Variants in RUNX1 observed in about 807,000 individuals in gnomAD.
The protein encoded by RUNX1 is RUNX family transcription factor 1, also known as runt-related transcription factor 1.
In RUNX1, 19 loss-of-function variants were observed where a neutral mutation model predicts 42.8. That is an observed-to-expected ratio of 0.44 (90% CI 0.31 to 0.65). The LOEUF (loss-of-function observed/expected upper bound fraction) is 0.65. Among genes scored for constraint, RUNX1 ranks in the 30% least tolerant of loss-of-function variants. The pLI, the probability that RUNX1 is intolerant of heterozygous loss-of-function variation, is 0.07. For synonymous variants in RUNX1, 271 were observed against 289.4 expected, an observed-to-expected ratio of 0.94 and a Z score of 0.64; for missense variants, 528 against 672.0, an observed-to-expected ratio of 0.79 and a Z score of 2.37.
chr21:34,917,251 CTT>C (rs1268531665), intron 2 of RUNX1, among the ~76,000 whole-genome samples: 1 of 152,130 alleles, frequency 6.6e-6, no homozygotes, highest in East Asian at 1.9e-4. Flanking sequence ...GGGCACATGT[CTT>C]TGTGAAGGGG....
At chr21:35,039,488 C>T (rs1333906590) in intron 2 of RUNX1, among the ~76,000 whole-genome samples, 14 of 152,104 alleles carry the variant, frequency 9.2e-5, no homozygotes, top group Admixed American at 9.2e-4. Context: ...CCAACTGAAA[C>T]TATACAGAAC....
At chr21:34,889,641 C>A in intron 3 of RUNX1, 1 of 1,107,414 alleles carries the variant, frequency 9.0e-7, no homozygotes, top group Non-Finnish European at 1.1e-6. Flanking sequence ...TCTCCCCGCC[C>A]CCGTGCGCTC....
rs567659293 is a variant in RUNX1, at chr21:34,855,522, T to C, written c.613+3952A>G. Among the ~76,000 whole-genome samples the C allele has an allele frequency of 3.9e-5, 6 of 152,216 alleles. No individual in the cohort carries two copies. In the East Asian group the frequency reaches 1.2e-3, roughly 29 times the overall value. On this transcript the variant is annotated intron_variant, in intron 6 of 8. Coordinates refer to ENST00000675419, the MANE Select transcript of RUNX1 (RefSeq NM_001754.5). ...GAGTTCGAGACCAGGCTGGCCAACA[T>C]GGTGAAACCCCGTCTCTACTAAAAA...
chr21:34,943,172 AAACT>A (rs2146639701), intron 2 of RUNX1, among the ~76,000 whole-genome samples: 1 of 152,352 alleles, frequency 6.6e-6, no homozygotes, highest in Admixed American at 6.5e-5. Flanking sequence ...CAGTGAAAAC[AAACT>A]AATTTCATTC....
Position 34,843,095 on chromosome 21 carries a change from G to A in RUNX1, c.614-8494C>T, listed in dbSNP as rs1476208125. Among the ~76,000 whole-genome samples, 1 of 151,760 alleles carries A rather than the reference G, an allele frequency of 6.6e-6. No individual in the cohort carries two copies. Among genetic ancestry groups the A allele is most frequent in the African/African-American group, 2.4e-5 (1 of 41,296 alleles). ...AAAAAACAAAACAAAACAAAATATA[G>A]ATACACATGGACACACATGTATAAA... is the stretch of plus-strand genomic sequence containing the variant. On this transcript the variant is annotated intron_variant, in intron 6 of 8. Transcript: ENST00000675419. The surrounding 1 kb of genome is among the most constrained non-coding windows in gnomAD (Gnocchi z 4.8).
chr21:34,819,231 TCTC>T (rs1304758068), intron 7 of RUNX1, among the ~76,000 whole-genome samples: 1 of 152,170 alleles, frequency 6.6e-6, no homozygotes, highest in Non-Finnish European at 1.5e-5. Flanking sequence ...AAGAAAAGTC[TCTC>T]CTCCTCATAC....
chr21:34,789,399 C>A lies in RUNX1; in HGVS notation c.*2736G>T, dbSNP rs1050508751. Reference sequence around the variant, plus strand: ...AAAAAGAAAGAACTGAAATATGTATCCATGTTGAAATCATAAATAGGGACA... The same window carrying A: ...AAAAAGAAAGAACTGAAATATGTATACATGTTGAAATCATAAATAGGGACA... On this transcript the variant is annotated 3_prime_UTR_variant, in exon 9 of 9. Coordinates refer to ENST00000675419, the MANE Select transcript of RUNX1 (RefSeq NM_001754.5). 7 of 233,490 alleles carry A rather than the reference C, an allele frequency of 3.0e-5. No individual in the cohort carries two copies. The highest frequency in any genetic ancestry group is 5.9e-5 in the Non-Finnish European group (7 of 118,074). 14.5% of individuals were successfully genotyped at this position (233,490 alleles called of 1,614,324 possible).
chr21:34,975,592 T>G (rs2058795826), intron 2 of RUNX1, among the ~76,000 whole-genome samples: 1 of 152,144 alleles, frequency 6.6e-6, no homozygotes, highest in African/African-American at 2.4e-5. Flanking sequence ...CCATGGATAC[T>G]GGGGGGTGAC....
intron 2 of RUNX1, among the ~76,000 whole-genome samples, chr21:34,992,769 C>T (rs562941980): frequency 1.2e-4 from 19 of 152,290 alleles, no homozygotes; most frequent in African/African-American, 4.3e-4. Context: ...CAAACGCCTT[C>T]GTGGCAGCCC....
chr21:34,871,748 C>T (rs558152088), intron 5 of RUNX1, among the ~76,000 whole-genome samples: 72 of 152,128 alleles, frequency 4.7e-4, no homozygotes, highest in Non-Finnish European at 6.8e-4. Flanking sequence ...CCTCCTGCCA[C>T]GTAGTGCCTT....
At chr21:34,889,387 GT>G (rs1012515458) in intron 3 of RUNX1, among the ~76,000 whole-genome samples, 2 of 151,906 alleles carry the variant, frequency 1.3e-5, no homozygotes, top group African/African-American at 2.4e-5. Flanking sequence ...TGTAATGGGT[GT>G]TTTTTACCGC....
chr21:35,019,472 C>G (rs2059182973), intron 2 of RUNX1, among the ~76,000 whole-genome samples: 1 of 152,148 alleles, frequency 6.6e-6, no homozygotes, highest in South Asian at 2.1e-4. Context: ...CTGTAAGAGG[C>G]CTGGCATAAT....
At position 34,792,091 on chromosome 21, in the gene RUNX1, GA is replaced by G; in HGVS notation, c.*43del. The G allele has an allele frequency of 1.6e-6, 2 of 1,255,152 alleles. No individual in the cohort carries two copies. The highest frequency in any genetic ancestry group is 2.0e-5 in the South Asian group (1 of 49,432). The allele number at this position is 1,255,152 out of a possible 1,614,324, so 77.8% of individuals were successfully genotyped here. On this transcript the variant is annotated 3_prime_UTR_variant, in exon 9 of 9. Transcript: ENST00000675419. This position sits in a 1 kb window ranked among gnomAD's most constrained non-coding sequence, Gnocchi z 6.9. ...ACAGGAGGCCCGCGCGCCCGGAGGC[GA>G]AGGCGGCGGCCCGCGGGGCCCAGCC...
rs2056759815 is a variant in RUNX1, at chr21:34,811,592, C to T, written c.806-12130G>A. 2.0e-5 allele frequency among the ~76,000 whole-genome samples: 3 copies of T among 152,228 alleles called. No homozygotes were observed. The South Asian group carries it at 6.2e-4, about 31-fold the overall frequency. On this transcript the variant is annotated intron_variant, in intron 7 of 8. Coordinates refer to ENST00000675419, the MANE Select transcript of RUNX1 (RefSeq NM_001754.5). ...CCTCCAAGAGCTCTGAACGGCTTTA[C>T]AACTAGGAAGTCTCTGAATGTGCAG...
intron 2 of RUNX1, among the ~76,000 whole-genome samples, chr21:34,931,336 T>TTA (rs377566009): frequency 0.082 from 11,699 of 142,998 alleles, 686 homozygotes; most frequent in African/African-American, 0.16. Context: ...ATATACACAT[T>TTA]TATATATATA....
Position 34,790,779 on chromosome 21 carries a change from C to T in RUNX1, c.*1356G>A, listed in dbSNP as rs2056424300. 1 of 233,176 alleles carries T rather than the reference C, an allele frequency of 4.3e-6. No individual in the cohort carries two copies. Among genetic ancestry groups the T allele is most frequent in the South Asian group, 1.8e-4 (1 of 5,532 alleles). The allele number at this position is 233,176 out of a possible 1,614,324, so 14.4% of individuals were successfully genotyped here. On this transcript the variant is annotated 3_prime_UTR_variant, in exon 9 of 9. Coordinates refer to ENST00000675419, the MANE Select transcript of RUNX1 (RefSeq NM_001754.5). Reference sequence around the variant, plus strand: ...ACAGAGGCAAATTGACTCCTCGAGGCCTGCTTCTGGTGGGCCCTTAAATTG... The same window carrying T: ...ACAGAGGCAAATTGACTCCTCGAGGTCTGCTTCTGGTGGGCCCTTAAATTG...
chr21:34,859,502 G>A lies in RUNX1; in HGVS notation c.585C>T (p.Ile195=), dbSNP rs2057541413. 4.3e-6 allele frequency: 7 copies of A among 1,613,982 alleles called. No homozygotes were observed. In the Admixed American group the frequency reaches 8.3e-5, roughly 19 times the overall value. ...QVATYHRAIK[I]TVDGPREPRR... is the part of the protein sequence containing the mutation. ...GAGGTTCTCGGGGCCCATCCACTGT[G>A]ATTTTGATGGCTCTGTGGTAGGTGG... Residue 195 remains isoleucine, a synonymous_variant, in exon 6 of 9, where the codon ATC becomes ATT. Transcript: ENST00000675419.
At chr21:34,987,126 TG>T (rs2058893739) in intron 2 of RUNX1, among the ~76,000 whole-genome samples, 1 of 152,238 alleles carries the variant, frequency 6.6e-6, no homozygotes, top group African/African-American at 2.4e-5. Flanking sequence ...AATCAATGGC[TG>T]AAAGAGGAAC....
At chr21:34,877,263 G>A (rs947745063) in intron 5 of RUNX1, among the ~76,000 whole-genome samples, 17 of 152,208 alleles carry the variant, frequency 1.1e-4, no homozygotes, top group African/African-American at 3.9e-4. Context: ...AACTGCAGAT[G>A]TAAACTGATA....
Sources: gnomAD v4.1 joint callset for allele counts (sites outside exome capture counted in the v4.1 genomes callset) on GRCh38, gnomAD v4.1.1 for gene constraint, Gnocchi (gnomAD v3.1) non-coding constraint, MANE v1.5 for transcripts, NCBI Gene and HGNC (gene_info 2026-07-23, HGNC 2026-07-21) for gene names.